Variants in PRKG1 observed in about 807,000 individuals in gnomAD.
PRKG1 encodes the protein cGMP-dependent protein kinase 1.
A neutral mutation model predicts 88.1 loss-of-function variants in PRKG1; 35 were observed. The observed-to-expected ratio is 0.40, with a 90% CI of 0.30 to 0.53. The LOEUF (loss-of-function observed/expected upper bound fraction) is 0.53, where lower values mean the gene tolerates loss of function less well. Ranked by LOEUF, PRKG1 falls within the 20% of genes least tolerant of loss-of-function variation. The pLI is 0.59. For missense variants in PRKG1, 540 were observed against 839.8 expected (o/e 0.64, Z 4.41); for synonymous variants, 303 against 292.5 (o/e 1.04, Z -0.37).
intron 2 of PRKG1, among the ~76,000 whole-genome samples, chr10:51,449,998 A>G (rs1839388730): frequency 6.6e-6 from 1 of 151,976 alleles, no homozygotes; most frequent in Admixed American, 6.6e-5. Flanking sequence ...AATACCATTT[A>G]GAGATATTTA....
rs185195658 is a variant in PRKG1, at chr10:51,267,527, C to G, written c.478+114197C>G. Among the ~76,000 whole-genome samples the G allele has an allele frequency of 2.5e-3, 377 of 152,178 alleles. 1 individual carries two copies. Among genetic ancestry groups the G allele is most frequent in the African/African-American group, 8.7e-3 (362 of 41,522 alleles). On this transcript the variant is annotated intron_variant, in intron 2 of 17. Coordinates refer to ENST00000373980, the MANE Select transcript of PRKG1 (RefSeq NM_006258.4). Reference sequence around the variant, plus strand: ...TATTTCTATCAGATAATTTCATATACTAAGCTGGTTTACTACAGAAACATA... The same window carrying G: ...TATTTCTATCAGATAATTTCATATAGTAAGCTGGTTTACTACAGAAACATA...
chr10:51,851,177 A>T (rs1380257117), intron 4 of PRKG1, among the ~76,000 whole-genome samples: 1 of 152,204 alleles, frequency 6.6e-6, no homozygotes, highest in Non-Finnish European at 1.5e-5. Context: ...TTTGAATAAG[A>T]GGAGAAATTA....
At chr10:51,862,682 G>C (rs995585260) in intron 4 of PRKG1, among the ~76,000 whole-genome samples, 1 of 152,092 alleles carries the variant, frequency 6.6e-6, no homozygotes, top group Non-Finnish European at 1.5e-5. Context: ...ACTCAGAACT[G>C]GCAGCTCAGT....
At chr10:51,617,649 G>A (rs773898602) in intron 3 of PRKG1, among the ~76,000 whole-genome samples, 2 of 152,210 alleles carry the variant, frequency 1.3e-5, no homozygotes, top group Admixed American at 6.5e-5. Context: ...AGAGCAATAA[G>A]CTATACCATA....
intron 1 of PRKG1, among the ~76,000 whole-genome samples, chr10:50,993,864 C>T (rs1842806951): frequency 6.6e-6 from 1 of 152,174 alleles, no homozygotes; most frequent in African/African-American, 2.4e-5. Context: ...GAGGAAATGG[C>T]TAATCTTGGG....
chr10:51,973,671 T>C (rs1843761724), intron 5 of PRKG1, among the ~76,000 whole-genome samples: 1 of 152,220 alleles, frequency 6.6e-6, no homozygotes, highest in Non-Finnish European at 1.5e-5. Context: ...ATTTTTCTTA[T>C]ACATCTGTTT....
intron 3 of PRKG1, among the ~76,000 whole-genome samples, chr10:51,797,933 A>G (rs1015898221): frequency 6.6e-6 from 1 of 152,050 alleles, no homozygotes; most frequent in Non-Finnish European, 1.5e-5. Context: ...TTCACTTAGC[A>G]TAATGTTTTC....
At chr10:51,792,394 G>A (rs534841757) in intron 3 of PRKG1, among the ~76,000 whole-genome samples, 3 of 152,058 alleles carry the variant, frequency 2.0e-5, no homozygotes, top group Non-Finnish European at 4.4e-5. Flanking sequence ...TTTAGATGAC[G>A]TAAGTTTTAT....
intron 4 of PRKG1, among the ~76,000 whole-genome samples, chr10:51,818,630 T>C (rs1839654975): frequency 6.6e-6 from 1 of 152,188 alleles, no homozygotes. Flanking sequence ...ATGTTTGCTT[T>C]CTGAGAATCA....
intron 3 of PRKG1, among the ~76,000 whole-genome samples, chr10:51,722,664 A>G (rs989047472): frequency 2.0e-4 from 31 of 152,184 alleles, no homozygotes; most frequent in South Asian, 8.3e-4. Context: ...CTCTGGCTCT[A>G]AGGCATCTAT....
At chr10:51,305,693 A>G (rs2132248582) in intron 2 of PRKG1, among the ~76,000 whole-genome samples, 1 of 152,240 alleles carries the variant, frequency 6.6e-6, no homozygotes, top group South Asian at 2.1e-4. Context: ...CCAAAATAGG[A>G]TTCCTTTTTC....
chr10:52,268,801 A>G (rs535399904), intron 10 of PRKG1, among the ~76,000 whole-genome samples: 90 of 152,100 alleles, frequency 5.9e-4, no homozygotes, highest in African/African-American at 1.9e-3. Context: ...GCAACATTTG[A>G]TTTGCCCTAT....
chr10:52,257,489 C>T (rs191711948), intron 10 of PRKG1, among the ~76,000 whole-genome samples: 3 of 139,972 alleles, frequency 2.1e-5, no homozygotes, highest in South Asian at 2.3e-4. Flanking sequence ...ACTGCCAAGC[C>T]GCACAGCAAT....
chr10:51,793,797 T>C (rs915691880), intron 3 of PRKG1, among the ~76,000 whole-genome samples: 1 of 152,180 alleles, frequency 6.6e-6, no homozygotes, highest in Non-Finnish European at 1.5e-5. Context: ...AGTCCTACTC[T>C]GTTGCCCAGG....
intron 2 of PRKG1, among the ~76,000 whole-genome samples, chr10:51,438,843 A>G (rs532137481): frequency 1.2e-3 from 187 of 152,038 alleles, no homozygotes; most frequent in African/African-American, 4.2e-3. Flanking sequence ...CAGATGTATT[A>G]TACATGTGGA....
At position 51,061,251 on chromosome 10, in the gene PRKG1, A is replaced by G. The variant is rs569202802; in HGVS notation, c.266+69607A>G. ...GGGACCTCTTACATGGCAGCAGGCA[A>G]AAGAGCATGTGCAGGGGAACTCCTC... On this transcript the variant is annotated intron_variant, in intron 1 of 17. Transcript: ENST00000401604. 2.0e-5 allele frequency among the ~76,000 whole-genome samples: 3 copies of G among 152,306 alleles called. No homozygotes were observed. The East Asian group carries it at 5.8e-4, about 29-fold the overall frequency.
At chr10:51,390,549 TAAATATCATTGC>T (rs1210418577) in intron 2 of PRKG1, among the ~76,000 whole-genome samples, 1 of 152,254 alleles carries the variant, frequency 6.6e-6, no homozygotes, top group African/African-American at 2.4e-5. Flanking sequence ...TGTGTACCTA[TAAATATCATTGC>T]AACACTGCAT....
At chr10:51,602,666 C>T (rs1365995362) in intron 3 of PRKG1, among the ~76,000 whole-genome samples, 1 of 151,214 alleles carries the variant, frequency 6.6e-6, no homozygotes, top group African/African-American at 2.4e-5. Flanking sequence ...CCTCCCAGCT[C>T]GGCCTCTCAA....
intron 4 of PRKG1, among the ~76,000 whole-genome samples, chr10:51,836,002 T>TA (rs1483994717): frequency 6.6e-6 from 1 of 152,218 alleles, no homozygotes; most frequent in Non-Finnish European, 1.5e-5. Flanking sequence ...GCATTTTTTT[T>TA]ATGTAACTGT....
Sources: allele counts gnomAD v4.1 joint callset (sites outside exome capture counted in the v4.1 genomes callset), GRCh38; gene constraint gnomAD v4.1.1; transcripts MANE v1.5; gene names NCBI Gene and HGNC (gene_info 2026-07-23, HGNC 2026-07-21).